The following MACROD2 variants were observed in gnomAD, a reference collection of about 807,000 sequenced individuals.
MACROD2 encodes ADP-ribose glycohydrolase MACROD2.
MACROD2 carries 36 observed loss-of-function variants against 70.4 expected under a neutral mutation model. The observed-to-expected ratio is 0.51, with a 90% CI of 0.39 to 0.68. The LOEUF is 0.68. Among genes scored for constraint, MACROD2 ranks in the 30% least tolerant of loss-of-function variants. The pLI is 0.00. For synonymous variants in MACROD2, 172 were observed against 178.8 expected, an observed-to-expected ratio of 0.96 and a Z score of 0.30; for missense variants, 496 against 538.4, an observed-to-expected ratio of 0.92 and a Z score of 0.78.
intron 8 of MACROD2, among the ~76,000 whole-genome samples, chr20:15,560,228 C>A (rs1321518779): frequency 6.6e-6 from 1 of 152,090 alleles, no homozygotes; most frequent in Non-Finnish European, 1.5e-5. Flanking sequence ...TTAGGAGACC[C>A]AAATTTGACT....
chr20:15,142,926 G>A (rs540132547), intron 5 of MACROD2, among the ~76,000 whole-genome samples: 47 of 152,246 alleles, frequency 3.1e-4, no homozygotes, highest in African/African-American at 1.1e-3. Flanking sequence ...GGCCATTTGG[G>A]TTGGTTCCAA....
At chr20:14,000,600 G>C (rs1161906524) in intron 1 of MACROD2, among the ~76,000 whole-genome samples, 4 of 152,188 alleles carry the variant, frequency 2.6e-5, no homozygotes, top group Non-Finnish European at 4.4e-5. Flanking sequence ...TCTCTACATC[G>C]TGGAGACCAT....
intron 8 of MACROD2, among the ~76,000 whole-genome samples, chr20:15,777,014 G>A (rs1410015443): frequency 1.3e-5 from 2 of 152,110 alleles, no homozygotes; most frequent in Non-Finnish European, 2.9e-5. Context: ...CATTAATTAT[G>A]AATGAAAGTT....
intron 6 of MACROD2, among the ~76,000 whole-genome samples, chr20:15,423,688 G>T (rs2046259500): frequency 6.6e-6 from 1 of 152,066 alleles, no homozygotes; most frequent in Non-Finnish European, 1.5e-5. Context: ...CATGAGGGAA[G>T]GGCTCCACCC....
chr20:15,896,766 A>G (rs1160232738), intron 10 of MACROD2, among the ~76,000 whole-genome samples: 1 of 152,180 alleles, frequency 6.6e-6, no homozygotes, highest in East Asian at 1.9e-4. Context: ...TTTTGAATAT[A>G]GTGATTTTAT....
chr20:14,109,425 T>G (rs2054417318), intron 3 of MACROD2, among the ~76,000 whole-genome samples: 2 of 151,604 alleles, frequency 1.3e-5, no homozygotes, highest in Non-Finnish European at 3.0e-5. Context: ...CAAATCAAAT[T>G]GATATGAAGA....
chr20:14,343,470 A>G (rs1305728567), intron 3 of MACROD2, among the ~76,000 whole-genome samples: 4 of 152,212 alleles, frequency 2.6e-5, no homozygotes, highest in Admixed American at 2.0e-4. Flanking sequence ...TAAATCCGAG[A>G]AAGCACATAC....
At chr20:15,075,040 T>A (rs2075647668) in intron 5 of MACROD2, among the ~76,000 whole-genome samples, 1 of 152,016 alleles carries the variant, frequency 6.6e-6, no homozygotes, top group Non-Finnish European at 1.5e-5. Flanking sequence ...GGTGAGGAGG[T>A]GAAAGGAGTT....
At chr20:15,009,727 AT>A (rs563309588) in intron 5 of MACROD2, among the ~76,000 whole-genome samples, 2 of 149,652 alleles carry the variant, frequency 1.3e-5, no homozygotes, top group African/African-American at 4.9e-5. Flanking sequence ...TTTTTCCATA[AT>A]TTTTTTCAGT....
At chr20:15,091,284 G>A (rs573281137) in intron 5 of MACROD2, among the ~76,000 whole-genome samples, 1 of 151,798 alleles carries the variant, frequency 6.6e-6, no homozygotes, top group East Asian at 1.9e-4. Flanking sequence ...CTTACTTTGG[G>A]GGAATCCAAA....
intron 6 of MACROD2, among the ~76,000 whole-genome samples, chr20:15,268,640 G>A (rs1016654601): frequency 1.1e-4 from 16 of 152,314 alleles, no homozygotes; most frequent in Non-Finnish European, 2.2e-4. Flanking sequence ...GTGACAGAGC[G>A]AGACTCATCT....
intron 2 of MACROD2, chr20:14,053,585 G>A (rs1163145655): frequency 6.6e-6 from 1 of 152,094 alleles, no homozygotes; most frequent in Non-Finnish European, 1.5e-5. Context: ...TGTTTATCAC[G>A]AGAGCTTTGT....
intron 3 of MACROD2, among the ~76,000 whole-genome samples, chr20:14,425,082 C>G (rs938378325): frequency 2.0e-5 from 3 of 152,146 alleles, no homozygotes; most frequent in Non-Finnish European, 4.4e-5. Context: ...TAAATTTATA[C>G]CTAATGTTTA....
intron 5 of MACROD2, among the ~76,000 whole-genome samples, chr20:15,129,009 CCTT>C (rs937820702): frequency 4.6e-5 from 7 of 151,852 alleles, no homozygotes; most frequent in African/African-American, 1.2e-4. Context: ...GAATATATAA[CCTT>C]CTTTTTTAGT....
intron 8 of MACROD2, among the ~76,000 whole-genome samples, chr20:15,772,102 ATATATATATAT>A (rs1372762436): frequency 1.3e-5 from 1 of 77,516 alleles, no homozygotes; most frequent in African/African-American, 5.7e-5. Flanking sequence ...AAAAAAAAAA[ATATATATATAT>A]ATATATATAT....
chr20:15,767,207 C>T (rs1254193859), intron 8 of MACROD2, among the ~76,000 whole-genome samples: 3 of 152,172 alleles, frequency 2.0e-5, no homozygotes, highest in Non-Finnish European at 4.4e-5. Context: ...TTTTCTCTTT[C>T]GGTTTTCCTC....
At chr20:14,865,432 T>C (rs574607159) in intron 5 of MACROD2, among the ~76,000 whole-genome samples, 1 of 152,130 alleles carries the variant, frequency 6.6e-6, no homozygotes, top group South Asian at 2.1e-4. Flanking sequence ...ACCAACACCC[T>C]GTGTTAAATT....
At chr20:16,008,885 A>G (rs768765886) in intron 15 of MACROD2, among the ~76,000 whole-genome samples, 47 of 152,016 alleles carry the variant, frequency 3.1e-4, no homozygotes, top group Non-Finnish European at 5.2e-4. Context: ...CCCTTAGTCT[A>G]GCACAATGTG....
chr20:16,027,296 G>A (rs947256271), intron 15 of MACROD2, among the ~76,000 whole-genome samples: 14 of 152,008 alleles, frequency 9.2e-5, no homozygotes, highest in Non-Finnish European at 1.9e-4. Flanking sequence ...TGGATGCAGC[G>A]TACATTTCTA....
Sources: gnomAD v4.1 joint callset for allele counts (sites outside exome capture counted in the v4.1 genomes callset) on GRCh38, gnomAD v4.1.1 for gene constraint, MANE v1.5 for transcripts, NCBI Gene and HGNC (gene_info 2026-07-23, HGNC 2026-07-21) for gene names.